The following RIMS1 variants were observed in gnomAD, a reference collection of about 807,000 sequenced individuals.
RIMS1 encodes regulating synaptic membrane exocytosis 1, also known as regulating synaptic membrane exocytosis protein 1.
A neutral mutation model predicts 214.1 loss-of-function variants in RIMS1; 83 were observed. That is an observed-to-expected ratio of 0.39 (90% CI 0.32 to 0.47). The LOEUF (loss-of-function observed/expected upper bound fraction) is 0.47, where lower values mean the gene tolerates loss of function less well. Ranked by LOEUF, RIMS1 falls within the 20% of genes least tolerant of loss-of-function variation. The probability of loss-of-function intolerance (pLI) is 0.99; values close to 1 mark genes in which losing one functional copy is unlikely to be tolerated. For synonymous variants in RIMS1, 793 were observed against 786.8 expected, an observed-to-expected ratio of 1.01 and a Z score of -0.13; for missense variants, 2,050 against 2,161.8, an observed-to-expected ratio of 0.95 and a Z score of 1.03.
At chr6:71,971,243 T>C (rs1479781602) in intron 2 of RIMS1, among the ~76,000 whole-genome samples, 1 of 152,200 alleles carries the variant, frequency 6.6e-6, no homozygotes, top group Non-Finnish European at 1.5e-5. Context: ...TATTATTTGC[T>C]TTGAGAGAAG....
chr6:72,053,926 T>C (rs1317993203), intron 2 of RIMS1, among the ~76,000 whole-genome samples: 1 of 152,214 alleles, frequency 6.6e-6, no homozygotes. Context: ...TTTTTTATTT[T>C]ACTTTAAGTT....
intron 26 of RIMS1, among the ~76,000 whole-genome samples, chr6:72,294,571 C>T (rs1233254432): frequency 6.6e-6 from 1 of 151,482 alleles, no homozygotes; most frequent in Non-Finnish European, 1.5e-5. Context: ...TATTAATATA[C>T]CGTTTCTGGG....
intron 19 of RIMS1, 125 bp downstream of exon 19, chr6:72,260,892 A>C (rs2077682683): frequency 1.3e-6 from 2 of 1,525,294 alleles, no homozygotes; most frequent in Non-Finnish European, 8.8e-7. Flanking sequence ...AGTATTTGAA[A>C]TTTGTTTTGT....
At chr6:71,947,304 C>T (rs1430526402) in intron 1 of RIMS1, among the ~76,000 whole-genome samples, 3 of 152,060 alleles carry the variant, frequency 2.0e-5, no homozygotes, top group Admixed American at 6.5e-5. Context: ...GAATCAACCT[C>T]TGTACATGAA....
intron 6 of RIMS1, among the ~76,000 whole-genome samples, chr6:72,219,099 A>G (rs1255695927): frequency 1.3e-5 from 2 of 152,178 alleles, no homozygotes; most frequent in Admixed American, 6.5e-5. Flanking sequence ...CAGCAAATAT[A>G]TATTCTCCCC....
intron 29 of RIMS1, among the ~76,000 whole-genome samples, chr6:72,383,169 A>C (rs1595907443): frequency 6.6e-6 from 1 of 152,312 alleles, no homozygotes; most frequent in Non-Finnish European, 1.5e-5. Context: ...TCTTCTCTTC[A>C]TATCATTGAA....
At chr6:72,264,166 T>C (rs1179942799) in intron 19 of RIMS1, among the ~76,000 whole-genome samples, 1 of 152,172 alleles carries the variant, frequency 6.6e-6, no homozygotes, top group Non-Finnish European at 1.5e-5. Flanking sequence ...GCTTTACTGC[T>C]AGCTGAGATA....
At chr6:72,370,780 G>T (rs932639936) in intron 29 of RIMS1, among the ~76,000 whole-genome samples, 2 of 152,106 alleles carry the variant, frequency 1.3e-5, no homozygotes, top group Non-Finnish European at 2.9e-5. Context: ...GGGGAGTACT[G>T]GGGCTTAAAG....
chr6:72,254,645 G>A (rs150195815), intron 16 of RIMS1, among the ~76,000 whole-genome samples: 4 of 152,220 alleles, frequency 2.6e-5, no homozygotes, highest in African/African-American at 9.6e-5. Flanking sequence ...GGAAGTAAAT[G>A]ATGAATAAAT....
intron 22 of RIMS1, among the ~76,000 whole-genome samples, chr6:72,268,495 ACTTAACTCCTAAC>A (rs2154180564): frequency 6.6e-6 from 1 of 152,310 alleles, no homozygotes; most frequent in African/African-American, 2.4e-5. Context: ...CTTTATACCA[ACTTAACTCCTAAC>A]CTTTAACACA....
Position 72,333,809 on chromosome 6 carries a change from G to A in RIMS1, c.4340G>A (p.Arg1447Lys), listed in dbSNP as rs1234450205. 6.3e-7 allele frequency: 1 copy of A among 1,588,792 alleles called. No individual in the cohort carries two copies. Among genetic ancestry groups the A allele is most frequent in the East Asian group, 2.3e-5 (1 of 43,614 alleles). The change falls in exon 29 of 34, where the codon AGA becomes AAA. Residue 1447 changes from arginine (R) to lysine (K), a missense_variant. This residue lies in a region of RIMS1 where 889 missense variants were observed against 885.5 expected (regional missense o/e 1.00). Coordinates refer to ENST00000521978, the MANE Select transcript of RIMS1 (RefSeq NM_014989.7). The part of the protein sequence containing the change: ...KVVAIVSRRS[R>K]STSQLSQTES... ...GTTGCCATAGTGTCTCGAAGGAGTA[G>A]AAGCACATCCCAGCTTAGTCAAACA...
At chr6:72,308,388 T>C (rs530056345) in intron 27 of RIMS1, among the ~76,000 whole-genome samples, 1 of 152,246 alleles carries the variant, frequency 6.6e-6, no homozygotes, top group South Asian at 2.1e-4. Flanking sequence ...CAGCAGCCAT[T>C]ATAGGTTGAC....
chr6:72,257,965 G>GT (rs1270061077), intron 16 of RIMS1, among the ~76,000 whole-genome samples, 160 bp from the exon 17 acceptor site: 1 of 152,118 alleles, frequency 6.6e-6, no homozygotes, highest in Admixed American at 6.6e-5. Flanking sequence ...CTCTGTGTAG[G>GT]TATACTTAAT....
At chr6:72,114,817 T>C (rs1019903175) in intron 4 of RIMS1, among the ~76,000 whole-genome samples, 2 of 151,946 alleles carry the variant, frequency 1.3e-5, no homozygotes, top group African/African-American at 2.4e-5. Context: ...TACTTAGCTA[T>C]TGTTGTGGAG....
rs562252225 is a variant in RIMS1, at chr6:72,164,269, AT to A, written c.472-15302del. On this transcript the variant is annotated intron_variant, in intron 4 of 33. Coordinates refer to ENST00000521978, the MANE Select transcript of RIMS1 (RefSeq NM_014989.7). ...GCAGTATTAGGGTGGGAGTGACCCGATTTTCCAGGTGCCGTCTGTCACCCCT... is the reference window on the plus strand; with the variant it reads ...GCAGTATTAGGGTGGGAGTGACCCGATTTCCAGGTGCCGTCTGTCACCCCT... 3.2e-3 allele frequency among the ~76,000 whole-genome samples: 486 copies of A among 152,014 alleles called. 7 individuals carry two copies. Among genetic ancestry groups the A allele is most frequent in the African/African-American group, 0.011 (444 of 41,450 alleles).
intron 29 of RIMS1, among the ~76,000 whole-genome samples, chr6:72,348,614 C>T (rs1479235646): frequency 6.6e-6 from 1 of 151,766 alleles, no homozygotes; most frequent in Non-Finnish European, 1.5e-5. Flanking sequence ...GGTACATTTG[C>T]AGGTTTGTTA....
intron 6 of RIMS1, among the ~76,000 whole-genome samples, chr6:72,196,580 CTTTT>C (rs61651151): frequency 1.9e-4 from 11 of 57,212 alleles, no homozygotes; most frequent in East Asian, 1.2e-3. Flanking sequence ...GCCAGCTGCA[CTTTT>C]TTTTTTTTTT....
intron 6 of RIMS1, among the ~76,000 whole-genome samples, chr6:72,231,162 ATAGTGAAATCT>A (rs1202601882): frequency 6.6e-6 from 1 of 151,736 alleles, no homozygotes; most frequent in African/African-American, 2.4e-5. Flanking sequence ...TCCGTTAATA[ATAGTGAAATCT>A]TAGTTATAAA....
intron 22 of RIMS1, among the ~76,000 whole-genome samples, chr6:72,271,722 C>T (rs887609639): frequency 1.3e-5 from 2 of 152,136 alleles, no homozygotes; most frequent in Non-Finnish European, 2.9e-5. Context: ...CCCCTTATGT[C>T]AATAGCACTG....
Sources: gnomAD v4.1 joint callset for allele counts (sites outside exome capture counted in the v4.1 genomes callset) on GRCh38, gnomAD v4.1.1 for gene constraint, gnomAD v4.1.1 regional missense constraint, MANE v1.5 for transcripts, NCBI Gene and HGNC (gene_info 2026-07-23, HGNC 2026-07-21) for gene names.